STXBP4: variants seen among roughly 807,000 people sequenced by gnomAD.
The protein encoded by STXBP4 is syntaxin-binding protein 4.
STXBP4 carries 55 observed loss-of-function variants against 76.1 expected under a neutral mutation model. The observed-to-expected ratio is 0.72, with a 90% CI of 0.58 to 0.91. The LOEUF is 0.91. STXBP4 is among the 40% of genes least tolerant of loss of function. The probability of loss-of-function intolerance (pLI) is 0.00; values close to 1 mark genes in which losing one functional copy is unlikely to be tolerated. For missense variants in STXBP4, 618 were observed against 636.9 expected (o/e 0.97, Z 0.32); for synonymous variants, 201 against 220.2 (o/e 0.91, Z 0.77).
In STXBP4 at chr17:55,132,319, T is replaced by C. The variant is rs369163930; in HGVS notation, c.1490-8991T>C. On this transcript the variant is annotated intron_variant, in intron 16 of 17. Coordinates refer to ENST00000376352, the MANE Select transcript of STXBP4 (RefSeq NM_178509.6). ...AGTTCTTCTGCCTCAGCCTCCTGAG[T>C]AGCTGGGATTACAGGTGTGTGCCAC... Among the ~76,000 whole-genome samples the C allele has an allele frequency of 3.9e-5, 6 of 152,232 alleles. No individual in the cohort carries two copies. The East Asian group carries it at 9.7e-4, about 25-fold the overall frequency.
At chr17:55,115,797 A>G (rs2079774047) in intron 16 of STXBP4, among the ~76,000 whole-genome samples, 1 of 151,918 alleles carries the variant, frequency 6.6e-6, no homozygotes, top group East Asian at 1.9e-4. Flanking sequence ...CCTGAATAAT[A>G]GGAACATTTG....
chr17:55,095,872 T>C (rs1448453521), intron 16 of STXBP4, among the ~76,000 whole-genome samples: 1 of 152,160 alleles, frequency 6.6e-6, no homozygotes, highest in African/African-American at 2.4e-5. Context: ...TGTCCAGGGT[T>C]CCTAATAAAT....
chr17:55,131,765 A>G (rs565754851), intron 16 of STXBP4, among the ~76,000 whole-genome samples: 34 of 151,778 alleles, frequency 2.2e-4, no homozygotes, highest in Non-Finnish European at 4.7e-4. Flanking sequence ...TGCTCCCCCC[A>G]CCCACCCCTG....
intron 16 of STXBP4, among the ~76,000 whole-genome samples, chr17:55,128,412 A>C (rs913547690): frequency 6.6e-6 from 1 of 152,158 alleles, no homozygotes; most frequent in South Asian, 2.1e-4. Flanking sequence ...TGCTTGGATG[A>C]GATTCCAAAT....
At chr17:55,137,272 G>A (rs1567778238) in intron 16 of STXBP4, among the ~76,000 whole-genome samples, 3 of 131,058 alleles carry the variant, frequency 2.3e-5, no homozygotes, top group South Asian at 5.3e-4. Flanking sequence ...ACACCTCCAT[G>A]TTCCCTCCCT....
chr17:55,156,125 C>G (rs945346947), intron 17 of STXBP4, among the ~76,000 whole-genome samples: 1 of 152,140 alleles, frequency 6.6e-6, no homozygotes, highest in South Asian at 2.1e-4. Context: ...ACTGTTTGTT[C>G]AAATGGAAAA....
intron 16 of STXBP4, among the ~76,000 whole-genome samples, chr17:55,119,696 G>A (rs2079822843): frequency 6.6e-6 from 1 of 151,850 alleles, no homozygotes; most frequent in South Asian, 2.1e-4. Flanking sequence ...ATATCCATAA[G>A]CATATGACAC....
At chr17:55,179,759 C>T in the STXBP4 span, among the ~76,000 whole-genome samples, 1 of 152,072 alleles carries the variant, frequency 6.6e-6, no homozygotes, top group East Asian at 1.9e-4. Flanking sequence ...TTTTCTCTAG[C>T]TTATTTTGTT....
At chr17:55,201,257 G>C in the STXBP4 span, among the ~76,000 whole-genome samples, 1 of 151,822 alleles carries the variant, frequency 6.6e-6, no homozygotes. Flanking sequence ...GCTAAGCTTT[G>C]GTATTTTTAT....
chr17:55,009,070 T>C (rs915840785), intron 8 of STXBP4, among the ~76,000 whole-genome samples: 5 of 152,218 alleles, frequency 3.3e-5, no homozygotes, highest in Non-Finnish European at 7.3e-5. Flanking sequence ...TCAATGAAAT[T>C]ATAAGTGTCT....
At chr17:55,001,021 T>A (rs993765709) in intron 7 of STXBP4, 138 bp downstream of exon 7, 10 of 581,332 alleles carry the variant, frequency 1.7e-5, no homozygotes, top group Non-Finnish European at 2.7e-5. Context: ...GTAAAAATAA[T>A]GTCTTTCCGT....
intron 16 of STXBP4, among the ~76,000 whole-genome samples, chr17:55,111,449 G>A (rs112411995): frequency 6.6e-6 from 1 of 152,268 alleles, no homozygotes; most frequent in African/African-American, 2.4e-5. Context: ...ATCTCATGTT[G>A]AAATGTAATC....
intron 1 of STXBP4, among the ~76,000 whole-genome samples, chr17:54,975,255 C>T (rs999810963): frequency 5.9e-5 from 9 of 152,208 alleles, no homozygotes; most frequent in African/African-American, 2.2e-4. Context: ...CTTCCTGCCT[C>T]AGCCTCCTGA....
chr17:55,111,593 A>C (rs1197801783), intron 16 of STXBP4, among the ~76,000 whole-genome samples: 1 of 151,956 alleles, frequency 6.6e-6, no homozygotes, highest in African/African-American at 2.4e-5. Flanking sequence ...TGGTTGTTTA[A>C]AAGTGTGCAG....
intron 16 of STXBP4, among the ~76,000 whole-genome samples, chr17:55,135,406 G>A (rs16955644): frequency 0.021 from 3,227 of 152,010 alleles, 127 homozygotes; most frequent in African/African-American, 0.074. Context: ...TAACCAGGTG[G>A]TAAAACAATC....
chr17:55,203,889 T>C, the STXBP4 span, among the ~76,000 whole-genome samples: 1 of 151,614 alleles, frequency 6.6e-6, no homozygotes, highest in Admixed American at 6.6e-5. Context: ...TTTCTCTTTA[T>C]CTTTGGTAAT....
intron 9 of STXBP4, among the ~76,000 whole-genome samples, chr17:55,031,926 C>T (rs192945480): frequency 1.4e-4 from 21 of 152,242 alleles, no homozygotes; most frequent in African/African-American, 5.1e-4. Flanking sequence ...CCATAATGTA[C>T]CACTTAGTTA....
the STXBP4 span, among the ~76,000 whole-genome samples, chr17:55,187,700 T>C: frequency 6.6e-6 from 1 of 151,350 alleles, no homozygotes; most frequent in East Asian, 1.9e-4. Flanking sequence ...CTCAGAGGAG[T>C]GGGGAAGGAG....
At chr17:55,060,982 G>T (rs928436312) in intron 12 of STXBP4, among the ~76,000 whole-genome samples, 1 of 152,182 alleles carries the variant, frequency 6.6e-6, no homozygotes, top group Admixed American at 6.5e-5. Context: ...AGAAACATGG[G>T]ATATTAAGCA....
Sources: allele counts gnomAD v4.1 joint callset (sites outside exome capture counted in the v4.1 genomes callset), GRCh38; gene constraint gnomAD v4.1.1; transcripts MANE v1.5; gene names NCBI Gene and HGNC (gene_info 2026-07-23, HGNC 2026-07-21).